PCDH11X: variants seen among roughly 807,000 people sequenced by gnomAD.
PCDH11X encodes the protein protocadherin-11 X-linked.
In PCDH11X, 18 loss-of-function variants were observed where a neutral mutation model predicts 53.3. That is an observed-to-expected ratio of 0.34 (90% CI 0.23 to 0.50). PCDH11X has a LOEUF of 0.50. Among genes scored for constraint, PCDH11X ranks in the 20% least tolerant of loss-of-function variants. The pLI, the probability that PCDH11X is intolerant of heterozygous loss-of-function variation, is 0.98. For synonymous variants in PCDH11X, 279 were observed against 393.3 expected, an observed-to-expected ratio of 0.71 and a Z score of 3.44; for missense variants, 570 against 1,032.4, an observed-to-expected ratio of 0.55 and a Z score of 6.14.
chrX:92,448,893 C>G (rs926462239), intron 9 of PCDH11X, among the ~76,000 whole-genome samples: 1 of 111,694 alleles, frequency 9.0e-6, no homozygotes, highest in African/African-American at 3.3e-5. Flanking sequence ...TATACAGCAA[C>G]AGATTTTCAT....
intron 8 of PCDH11X, among the ~76,000 whole-genome samples, chrX:92,360,735 G>T (rs2070326686): frequency 9.1e-6 from 1 of 110,343 alleles, no homozygotes; most frequent in Non-Finnish European, 1.9e-5. Context: ...GTGTCTATAT[G>T]CTGCAGGCAC....
chrX:92,609,755 C>T (rs1927172862), intron 10 of PCDH11X, among the ~76,000 whole-genome samples: 1 of 110,746 alleles, frequency 9.0e-6, no homozygotes, highest in African/African-American at 3.3e-5. Flanking sequence ...TCTCCCCTCT[C>T]TCCCTTCTAA....
chrX:92,089,210 CAT>C (rs1481268618), intron 6 of PCDH11X, among the ~76,000 whole-genome samples: 9 of 110,341 alleles, frequency 8.2e-5, no homozygotes, highest in African/African-American at 3.0e-4. Flanking sequence ...ATAGAAGACA[CAT>C]GTTTTAACAT....
chrX:92,139,558 G>A (rs2065143869), intron 6 of PCDH11X, among the ~76,000 whole-genome samples: 1 of 109,649 alleles, frequency 9.1e-6, no homozygotes, highest in Non-Finnish European at 1.9e-5. Context: ...CACCCCTCTA[G>A]GGCTAAAACA....
intron 10 of PCDH11X, among the ~76,000 whole-genome samples, chrX:92,470,042 C>A (rs1462556311): frequency 8.3e-5 from 9 of 108,634 alleles, no homozygotes; most frequent in Non-Finnish European, 1.3e-4. Flanking sequence ...CATGTAATAT[C>A]TTTTCATTTT....
intron 10 of PCDH11X, among the ~76,000 whole-genome samples, chrX:92,576,770 C>A (rs1212728078): frequency 9.3e-6 from 1 of 107,426 alleles, no homozygotes; most frequent in Non-Finnish European, 1.9e-5. Context: ...ATTGTACTGT[C>A]TATGTCTTGA....
At chrX:92,408,162 T>C (rs1436834262) in intron 9 of PCDH11X, among the ~76,000 whole-genome samples, 1 of 110,968 alleles carries the variant, frequency 9.0e-6, no homozygotes, top group African/African-American at 3.3e-5. Flanking sequence ...GGATTACAGG[T>C]GTGAGCCACC....
At chrX:92,205,824 C>T (rs890093004) in intron 7 of PCDH11X, among the ~76,000 whole-genome samples, 1 of 110,778 alleles carries the variant, frequency 9.0e-6, no homozygotes, top group African/African-American at 3.3e-5. Flanking sequence ...TGGGCTTGAA[C>T]TCCTGACCTC....
rs188818588 is a variant in PCDH11X at position 92,015,652 on chromosome X, A to C, written c.3033+136379A>C. Among the ~76,000 whole-genome samples the C allele has an allele frequency of 3.9e-3, 442 of 112,118 alleles. 1 individual carries two copies. The highest frequency in any genetic ancestry group is 0.014 in the African/African-American group (422 of 30,883). On this transcript the variant is annotated intron_variant, in intron 6 of 10. Coordinates refer to ENST00000682573, the MANE Select transcript of PCDH11X (RefSeq NM_032968.5). ...ATTCAAGTTTTATCATGATATTGCA[A>C]CAATTCAGTCACATCCTCAAGCTCC... is the stretch of plus-strand genomic sequence containing the variant.
intron 8 of PCDH11X, among the ~76,000 whole-genome samples, chrX:92,360,251 G>A (rs1024644283): frequency 4.5e-5 from 5 of 110,790 alleles, no homozygotes; most frequent in Admixed American, 9.7e-5. Context: ...TGTATACAGT[G>A]CTTTATACTT....
chrX:92,273,387 T>C (rs941145813), intron 8 of PCDH11X, among the ~76,000 whole-genome samples: 1 of 111,319 alleles, frequency 9.0e-6, no homozygotes, highest in Non-Finnish European at 1.9e-5. Context: ...AATGGTGGAA[T>C]GTCATCAGTT....
At chrX:92,086,928 G>GATAT (rs1437147392) in intron 6 of PCDH11X, among the ~76,000 whole-genome samples, 88 of 109,126 alleles carry the variant, frequency 8.1e-4, no homozygotes, top group African/African-American at 2.6e-3. Context: ...AAAGAGAAAA[G>GATAT]ATATATATAT....
At chrX:91,994,195 T>C (rs1307026329) in intron 6 of PCDH11X, among the ~76,000 whole-genome samples, 4 of 99,184 alleles carry the variant, frequency 4.0e-5, no homozygotes, top group Admixed American at 1.1e-4. Context: ...TTTACCTTTT[T>C]GTGTTTGTGG....
Position 92,186,328 on chromosome X carries a change from G to T in PCDH11X, c.3034-15047G>T, listed in dbSNP as rs146223427. 8.2e-3 allele frequency among the ~76,000 whole-genome samples: 917 copies of T among 111,912 alleles called. 6 individuals carry two copies. Among genetic ancestry groups the T allele is most frequent in the African/African-American group, 0.029 (880 of 30,839 alleles). On this transcript the variant is annotated intron_variant, in intron 6 of 10. Transcript: ENST00000682573. ...AAACAAAGTTGATCTCGTAGAAGTAGAGAGTAGAATAGTGGTTTTAGCTGG... is the reference window on the plus strand; with the variant it reads ...AAACAAAGTTGATCTCGTAGAAGTATAGAGTAGAATAGTGGTTTTAGCTGG...
At chrX:91,937,302 T>C (rs902516378) in intron 6 of PCDH11X, among the ~76,000 whole-genome samples, 2 of 111,133 alleles carry the variant, frequency 1.8e-5, no homozygotes, top group Non-Finnish European at 3.8e-5. Flanking sequence ...TCTTACCTAA[T>C]ATATGGAACT....
intron 7 of PCDH11X, among the ~76,000 whole-genome samples, chrX:92,221,278 A>AACACACAC (rs58264678): frequency 4.3e-4 from 38 of 88,033 alleles, no homozygotes; most frequent in African/African-American, 1.6e-3. Flanking sequence ...CATTGTATAC[A>AACACACAC]ACACACACAC....
At chrX:92,264,832 A>C (rs1450459677) in intron 8 of PCDH11X, among the ~76,000 whole-genome samples, 1 of 109,708 alleles carries the variant, frequency 9.1e-6, no homozygotes, top group East Asian at 2.9e-4. Context: ...CAACATGTAA[A>C]TAATCGACAT....
At chrX:92,250,168 T>C (rs1395510529) in intron 7 of PCDH11X, among the ~76,000 whole-genome samples, 1 of 111,901 alleles carries the variant, frequency 8.9e-6, no homozygotes, top group East Asian at 2.8e-4. Flanking sequence ...TATAGTAGAA[T>C]AGTTATGCTA....
At chrX:92,586,517 T>C (rs1924397830) in intron 10 of PCDH11X, among the ~76,000 whole-genome samples, 1 of 104,174 alleles carries the variant, frequency 9.6e-6, no homozygotes, top group Admixed American at 1.1e-4. Context: ...GCTGTATTTA[T>C]ACCTATAAAG....
Sources: allele counts gnomAD v4.1 joint callset (sites outside exome capture counted in the v4.1 genomes callset), GRCh38; gene constraint gnomAD v4.1.1; transcripts MANE v1.5; gene names NCBI Gene and HGNC (gene_info 2026-07-23, HGNC 2026-07-21).